Variants in SH3BP2 observed in about 807,000 individuals in gnomAD.
SH3BP2 encodes SH3 domain binding protein 2.
SH3BP2 carries 38 observed loss-of-function variants against 56.2 expected under a neutral mutation model. The ratio of observed to expected loss-of-function variants is 0.68; its 90% CI spans 0.52 to 0.89. The LOEUF is 0.89. Among genes scored for constraint, SH3BP2 ranks in the 40% least tolerant of loss-of-function variants. The probability of loss-of-function intolerance (pLI) is 0.00; values close to 1 mark genes in which losing one functional copy is unlikely to be tolerated. For missense variants in SH3BP2, 748 were observed against 762.6 expected, an observed-to-expected ratio of 0.98 and a Z score of 0.23; for synonymous variants, 346 against 316.7, an observed-to-expected ratio of 1.09 and a Z score of -0.98.
chr4:2,833,818 AC>A lies in SH3BP2; in HGVS notation c.1671del (p.Tyr557Ter). ...QSLLLRHPYG[Y>X]TGPR Reference sequence around the variant, plus strand: ...CTGCTGCTGCGGCACCCCTACGGCTACACTGGGCCTAGGTGATGGCAGTCCA... The same window carrying A: ...CTGCTGCTGCGGCACCCCTACGGCTAACTGGGCCTAGGTGATGGCAGTCCA... On this transcript the variant is annotated frameshift_variant, in exon 13 of 13. Coordinates refer to ENST00000503393, the MANE Select transcript of SH3BP2 (RefSeq NM_001122681.2). LOFTEE classifies it high-confidence loss of function. 6.3e-7 allele frequency: 1 copy of A among 1,579,004 alleles called. No individual in the cohort carries two copies. Among genetic ancestry groups the A allele is most frequent in the Non-Finnish European group, 8.6e-7 (1 of 1,162,864 alleles).
chr4:2,800,123 T>G (rs1396215634), intron 1 of SH3BP2, among the ~76,000 whole-genome samples: 7 of 151,566 alleles, frequency 4.6e-5, no homozygotes, highest in African/African-American at 1.7e-4. Flanking sequence ...GGAGGTGACG[T>G]GACCAGGATG....
chr4:2,826,281 A>C (rs1266095166), intron 5 of SH3BP2: 2 of 49,972 alleles, frequency 4.0e-5, no homozygotes, highest in African/African-American at 9.9e-5. Flanking sequence ...GTGTGTGTGC[A>C]TGTCCGCGTG....
chr4:2,827,398 G>C, intron 6 of SH3BP2, 80 bp downstream of exon 6: 4 of 1,391,696 alleles, frequency 2.9e-6, no homozygotes, highest in Non-Finnish European at 4.1e-6. Context: ...GGAGAGGGAG[G>C]TGTGTTCGGC....
At chr4:2,823,321 G>A (rs1180565652) in intron 3 of SH3BP2, 1 of 536,400 alleles carries the variant, frequency 1.9e-6, no homozygotes, top group African/African-American at 1.9e-5. Context: ...TCTCCACTCG[G>A]CCACCACCCA....
intron 1 of SH3BP2, among the ~76,000 whole-genome samples, chr4:2,802,592 T>TTGTATATATG (rs1218119980): frequency 2.7e-4 from 36 of 132,158 alleles, no homozygotes; most frequent in Non-Finnish European, 4.9e-4. Context: ...ATATATATGT[T>TTGTATATATG]TGTATATATG....
rs536073174 is a variant in SH3BP2 at position 2,826,993 on chromosome 4, ATG to A, written c.429-229_429-228del. ...TGTGTGTTTGTCAGAGTATGTGTGCATGTGTGTGTCTGTCAGCGTATCCATGT... is the reference window on the plus strand; with the variant it reads ...TGTGTGTTTGTCAGAGTATGTGTGCATGTGTGTCTGTCAGCGTATCCATGT... On this transcript the variant is annotated intron_variant, in intron 5 of 12. Coordinates refer to ENST00000503393, the MANE Select transcript of SH3BP2 (RefSeq NM_001122681.2). 3,310 of 668,948 alleles carry A rather than the reference ATG, an allele frequency of 4.9e-3. 95 individuals are homozygous for A. The African/African-American group carries it at 0.052, about 10-fold the overall frequency. The allele number at this position is 668,948 out of a possible 1,614,324, so 41.4% of individuals were successfully genotyped here.
rs902331685 is a variant in SH3BP2, at chr4:2,814,364, C to T, written c.-4-6250C>T. ...AGCACTTTTCACCTGACTGCTCTGC[C>T]CCCCACCGCAGCAGCCTCAGGCCTT... On this transcript the variant is annotated intron_variant, in intron 1 of 12. Transcript: ENST00000503393. Among the ~76,000 whole-genome samples the T allele has an allele frequency of 5.9e-5, 9 of 152,306 alleles. No individual in the cohort carries two copies. In the South Asian group the frequency reaches 1.2e-3, roughly 21 times the overall value.
chr4:2,833,444 T>C, intron 12 of SH3BP2: 1 of 601,674 alleles, frequency 1.7e-6, no homozygotes, highest in Non-Finnish European at 3.0e-6. Flanking sequence ...TGGCCTAGGT[T>C]CATTTCCTGA....
intron 1 of SH3BP2, chr4:2,812,366 T>C: frequency 6.5e-7 from 1 of 1,550,146 alleles, no homozygotes; most frequent in Admixed American, 2.0e-5. Context: ...CTGGGAGATG[T>C]AGGCTGCCTG....
intron 1 of SH3BP2, chr4:2,799,295 T>C (rs1294780238): frequency 1.0e-6 from 1 of 985,360 alleles, no homozygotes. Context: ...GGGCTGCAGC[T>C]GCCTAATGAG....
chr4:2,832,070 G>A, intron 10 of SH3BP2, 92 bp downstream of exon 10: 2 of 1,360,422 alleles, frequency 1.5e-6, no homozygotes, highest in African/African-American at 1.4e-5. Context: ...TTGGGGAGTT[G>A]CTGGCACAAG....
chr4:2,826,797 CAT>C, intron 5 of SH3BP2: 1 of 397,376 alleles, frequency 2.5e-6, no homozygotes, highest in Non-Finnish European at 5.1e-6. Context: ...TGTGTGTGAA[CAT>C]GTGTGCTTGT....
At chr4:2,799,994 C>T (rs559648983) in intron 1 of SH3BP2, among the ~76,000 whole-genome samples, 2 of 152,194 alleles carry the variant, frequency 1.3e-5, no homozygotes, top group South Asian at 2.1e-4. Context: ...AACATACGCC[C>T]TCCAAGCAGT....
intron 1 of SH3BP2, chr4:2,799,094 C>T (rs1181024755): frequency 3.5e-5 from 34 of 985,446 alleles, no homozygotes; most frequent in Non-Finnish European, 4.0e-5. Context: ...CAGCCTCCAC[C>T]CGCCACCCGT....
At position 2,823,013 on chromosome 4, in the gene SH3BP2, C is replaced by T. The variant is rs1560105731; in HGVS notation, c.215C>T (p.Ala72Val). ...AGCACCTCTGCCTCCCCGCAGGGCG[C>T]CTTCTCCCTGAGTGGCTATAACCGG... ...KSSTSASPQGAFSLSGYNRVM... is the reference protein window; with the variant it reads ...KSSTSASPQGVFSLSGYNRVM... The change falls in exon 3 of 13, where the codon GCC becomes GTC. Residue 72 changes from alanine (A) to valine (V), a missense_variant. Around this residue, in one of 3 missense-constraint regions of SH3BP2, gnomAD observed 104 missense variants for 123.1 expected, o/e 0.84. Coordinates refer to ENST00000503393, the MANE Select transcript of SH3BP2 (RefSeq NM_001122681.2). The T allele has an allele frequency of 6.2e-7, 1 of 1,613,972 alleles. No individual in the cohort carries two copies. Among genetic ancestry groups the T allele is most frequent in the East Asian group, 2.2e-5 (1 of 44,884 alleles).
At chr4:2,809,473 C>A (rs1029129225) in intron 1 of SH3BP2, among the ~76,000 whole-genome samples, 1 of 152,098 alleles carries the variant, frequency 6.6e-6, no homozygotes, top group Non-Finnish European at 1.5e-5. Context: ...GCATGTTCAG[C>A]ACCTGAGCCT....
At chr4:2,827,189 C>T in intron 5 of SH3BP2, 41 bp from the exon 6 acceptor site, 1 of 1,562,794 alleles carries the variant, frequency 6.4e-7, no homozygotes, top group Non-Finnish European at 8.8e-7. Context: ...ACCTCCCAGG[C>T]CTGGTGCTCA....
rs566923642 is a variant in SH3BP2, at chr4:2,811,094, G to A, written c.-4-9520G>A. On this transcript the variant is annotated intron_variant, in intron 1 of 12. Transcript: ENST00000503393. ...CTCCTCACCCTCTAGGAGACAGTGG[G>A]GTGTCTGCAGCCCAAACGGGCCCCG... Among the ~76,000 whole-genome samples, 10 of 152,364 alleles carry A rather than the reference G, an allele frequency of 6.6e-5. 1 individual carries two copies. Among genetic ancestry groups the A allele is most frequent in the Admixed American group, 2.0e-4 (3 of 15,310 alleles).
chr4:2,796,803 C>A (rs1723080447), intron 1 of SH3BP2, among the ~76,000 whole-genome samples: 1 of 152,236 alleles, frequency 6.6e-6, no homozygotes, highest in Non-Finnish European at 1.5e-5. Context: ...GCCAGGCTGG[C>A]AGGCAACAGC....
Sources: gnomAD v4.1 joint callset for allele counts (sites outside exome capture counted in the v4.1 genomes callset) on GRCh38, gnomAD v4.1.1 for gene constraint, gnomAD v4.1.1 regional missense constraint, MANE v1.5 for transcripts, NCBI Gene and HGNC (gene_info 2026-07-23, HGNC 2026-07-21) for gene names.